NDUFAF6: variants seen among roughly 807,000 people sequenced by gnomAD.
NDUFAF6 encodes NADH:ubiquinone oxidoreductase complex assembly factor 6, also known as NADH dehydrogenase (ubiquinone) complex I, assembly factor 6.
A neutral mutation model predicts 40.8 loss-of-function variants in NDUFAF6; 45 were observed. The ratio of observed to expected loss-of-function variants is 1.10; its 90% CI spans 0.87 to 1.42. NDUFAF6 has a LOEUF of 1.42. Among genes scored for constraint, NDUFAF6 ranks in the 40% most tolerant of loss-of-function variants. NDUFAF6 has a pLI of 0.00. For synonymous variants in NDUFAF6, 185 were observed against 155.9 expected, an observed-to-expected ratio of 1.19 and a Z score of -1.39; for missense variants, 435 against 418.5, an observed-to-expected ratio of 1.04 and a Z score of -0.34.
At chr8:94,977,577 G>A (rs907488550) in intron 1 of NDUFAF6, among the ~76,000 whole-genome samples, 1 of 137,244 alleles carries the variant, frequency 7.3e-6, no homozygotes, top group African/African-American at 2.6e-5. Flanking sequence ...GCATAAGAAG[G>A]GGCATAAGCA....
chr8:94,941,944 A>C (rs1168998451), intron 1 of NDUFAF6, among the ~76,000 whole-genome samples: 1 of 152,124 alleles, frequency 6.6e-6, no homozygotes, highest in Non-Finnish European at 1.5e-5. Context: ...TTCCCCCACA[A>C]ACTTATTCAT....
At chr8:95,000,774 A>G (rs775531661) in intron 2 of NDUFAF6, among the ~76,000 whole-genome samples, 26 of 151,940 alleles carry the variant, frequency 1.7e-4, no homozygotes, top group Non-Finnish European at 1.9e-4. Flanking sequence ...TGTCACTACT[A>G]AAATTACAAA....
At chr8:94,948,588 G>A (rs912539834) in intron 2 of NDUFAF6, among the ~76,000 whole-genome samples, 9 of 152,176 alleles carry the variant, frequency 5.9e-5, no homozygotes, top group Non-Finnish European at 1.3e-4. Context: ...AGGGCCTCCG[G>A]AACTCGGAGG....
intron 8 of NDUFAF6, among the ~76,000 whole-genome samples, chr8:95,056,529 G>C (rs1029853990): frequency 6.6e-6 from 1 of 151,966 alleles, no homozygotes; most frequent in Non-Finnish European, 1.5e-5. Flanking sequence ...TTGTTTCTAA[G>C]TTTCTTCCTA....
intron 2 of NDUFAF6, among the ~76,000 whole-genome samples, chr8:95,000,057 T>TA (rs1343768408): frequency 7.0e-6 from 1 of 142,634 alleles, no homozygotes; most frequent in African/African-American, 2.6e-5. Context: ...TTTTTTTTTT[T>TA]AAAGAAGCTT....
chr8:95,033,193 A>G (rs1829057433), intron 2 of NDUFAF6, among the ~76,000 whole-genome samples: 1 of 152,026 alleles, frequency 6.6e-6, no homozygotes, highest in Admixed American at 6.6e-5. Context: ...TACATGTGCC[A>G]CTATGCCTGG....
At chr8:95,047,580 G>A (rs1442000389) in intron 6 of NDUFAF6, among the ~76,000 whole-genome samples, 2 of 149,368 alleles carry the variant, frequency 1.3e-5, no homozygotes, top group South Asian at 2.1e-4. Context: ...CGTGATCTCG[G>A]CTCACTGCAA....
At position 95,041,866 on chromosome 8, in the gene NDUFAF6, T is replaced by G. The variant is rs74913424; in HGVS notation, c.477+240T>G. 5.8e-3 allele frequency among the ~76,000 whole-genome samples: 878 copies of G among 152,228 alleles called. 4 individuals carry two copies. The highest frequency in any genetic ancestry group is 0.02 in the African/African-American group (821 of 41,532). On this transcript the variant is annotated intron_variant, in intron 4 of 8. Transcript: ENST00000396124. ...ACAACCACACTCCACTATTTTGGTT[T>G]TTTCAAAAGGAAATTTTCATACTTA... is the stretch of plus-strand genomic sequence containing the variant.
intron 1 of NDUFAF6, among the ~76,000 whole-genome samples, chr8:94,943,419 C>G (rs1289901529): frequency 6.6e-6 from 1 of 152,100 alleles, no homozygotes; most frequent in African/African-American, 2.4e-5. Flanking sequence ...AGTCCAGGTT[C>G]AAGGATGCAG....
chr8:95,024,286 A>G (rs748432327), upstream of NDUFAF6, among the ~76,000 whole-genome samples: 5 of 152,236 alleles, frequency 3.3e-5, no homozygotes, highest in Non-Finnish European at 5.9e-5. Flanking sequence ...AGCTTCTACA[A>G]TTTTCAAGTG....
intron 2 of NDUFAF6, among the ~76,000 whole-genome samples, chr8:95,082,681 A>G (rs561922745): frequency 6.6e-6 from 1 of 151,098 alleles, no homozygotes; most frequent in African/African-American, 2.5e-5. Flanking sequence ...GTTTTTTGAG[A>G]CGGAGTCTCG....
At chr8:95,005,554 A>ATATATAAATAT (rs1554657858) in intron 2 of NDUFAF6, among the ~76,000 whole-genome samples, 2 of 115,332 alleles carry the variant, frequency 1.7e-5, no homozygotes, top group African/African-American at 7.5e-5. Flanking sequence ...TATATATATA[A>ATATATAAATAT]AAAATATATT....
At chr8:94,929,600 T>G (rs74937413) in intron 1 of NDUFAF6, 7 of 152,270 alleles carry the variant, frequency 4.6e-5, no homozygotes, top group Non-Finnish European at 8.8e-5. Context: ...GAGAGAAATA[T>G]GAAGTCACTT....
downstream of NDUFAF6, among the ~76,000 whole-genome samples, chr8:95,106,886 TTCA>T (rs1809856526): frequency 6.6e-6 from 1 of 152,074 alleles, no homozygotes; most frequent in South Asian, 2.1e-4. Context: ...TGAAAAAAAG[TTCA>T]TCAACACTGG....
At chr8:95,053,385 A>G (rs1225097967) in intron 8 of NDUFAF6, among the ~76,000 whole-genome samples, 1 of 152,154 alleles carries the variant, frequency 6.6e-6, no homozygotes, top group Non-Finnish European at 1.5e-5. Context: ...TTTAGTGGTT[A>G]TCTGATGGAT....
chr8:94,932,630 C>T (rs1380924802), intron 1 of NDUFAF6, among the ~76,000 whole-genome samples: 4 of 151,986 alleles, frequency 2.6e-5, no homozygotes, highest in South Asian at 2.1e-4. Flanking sequence ...AGTGAAACCC[C>T]GTCTCTACTA....
intron 1 of NDUFAF6, among the ~76,000 whole-genome samples, chr8:94,961,182 G>A (rs4735336): frequency 3.9e-5 from 6 of 151,944 alleles, no homozygotes; most frequent in African/African-American, 9.7e-5. Context: ...CCACTGACAC[G>A]TAAAATTCAC....
At chr8:94,981,603 T>C (rs1189131598) in intron 2 of NDUFAF6, among the ~76,000 whole-genome samples, 1 of 152,186 alleles carries the variant, frequency 6.6e-6, no homozygotes, top group African/African-American at 2.4e-5. Flanking sequence ...TTTTTAGTTA[T>C]GTGAGCCAAT....
chr8:94,913,853 G>A (rs556412734), intron 1 of NDUFAF6, among the ~76,000 whole-genome samples: 26 of 152,214 alleles, frequency 1.7e-4, no homozygotes, highest in African/African-American at 5.8e-4. Context: ...GTGCTGTGGC[G>A]CGATCTCAGC....
Sources: gnomAD v4.1 joint callset for allele counts (sites outside exome capture counted in the v4.1 genomes callset) on GRCh38, gnomAD v4.1.1 for gene constraint, MANE v1.5 for transcripts, NCBI Gene and HGNC (gene_info 2026-07-23, HGNC 2026-07-21) for gene names.